ARFGAP3: variants seen among roughly 807,000 people sequenced by gnomAD.
The protein encoded by ARFGAP3 is ARF GTPase activating protein 3, also known as ADP-ribosylation factor GTPase-activating protein 3.
In ARFGAP3, 72 loss-of-function variants were observed where a neutral mutation model predicts 75.0. The observed-to-expected ratio is 0.96, with a 90% confidence interval of 0.79 to 1.17. The LOEUF is 1.17. ARFGAP3 is among the 50% of genes most tolerant of loss of function. ARFGAP3 has a pLI of 0.00. For missense variants in ARFGAP3, 620 were observed against 626.6 expected, an observed-to-expected ratio of 0.99 and a Z score of 0.11; for synonymous variants, 221 against 217.9, an observed-to-expected ratio of 1.01 and a Z score of -0.13.
At chr22:42,817,947 C>G (rs535192361) in intron 9 of ARFGAP3, 90 bp from the exon 10 acceptor site, 52 of 1,332,034 alleles carry the variant, frequency 3.9e-5, no homozygotes, top group Non-Finnish European at 5.0e-5. Flanking sequence ...GTAATTTATA[C>G]TTTTAGCTTC....
intron 3 of ARFGAP3, among the ~76,000 whole-genome samples, chr22:42,838,478 T>C (rs1926636664): frequency 6.6e-6 from 1 of 151,652 alleles, no homozygotes; most frequent in Non-Finnish European, 1.5e-5. Context: ...TTAAGTCTTT[T>C]GTACGATGAG....
chr22:42,797,586 T>C lies in ARFGAP3; in HGVS notation c.*2A>G. On this transcript the variant is annotated 3_prime_UTR_variant, in exon 16 of 16. Coordinates refer to ENST00000263245, the MANE Select transcript of ARFGAP3 (RefSeq NM_014570.5). ...CAGGAAATACACATCATGACTTCAGTATTAAGAACCGTAGCGATCCTGAAG... is the reference window on the plus strand; with the variant it reads ...CAGGAAATACACATCATGACTTCAGCATTAAGAACCGTAGCGATCCTGAAG... 4 of 1,614,176 alleles carry C rather than the reference T, an allele frequency of 2.5e-6. No individual in the cohort carries two copies. Among genetic ancestry groups the C allele is most frequent in the Non-Finnish European group, 3.4e-6 (4 of 1,180,012 alleles).
intron 14 of ARFGAP3, among the ~76,000 whole-genome samples, chr22:42,803,728 T>C (rs1284391881): frequency 6.6e-6 from 1 of 151,974 alleles, no homozygotes; most frequent in Non-Finnish European, 1.5e-5. Context: ...TCCCACTCAA[T>C]CCTTCAGCTA....
At chr22:42,808,392 C>T (rs1369330513) in intron 13 of ARFGAP3, among the ~76,000 whole-genome samples, 2 of 136,764 alleles carry the variant, frequency 1.5e-5, no homozygotes, top group African/African-American at 3.0e-5. Context: ...AAGGAGGCTC[C>T]GTCTCAAAAA....
intron 4 of ARFGAP3, 33 bp from the exon 5 acceptor site, chr22:42,834,358 T>G: frequency 6.2e-7 from 1 of 1,606,846 alleles, no homozygotes; most frequent in Non-Finnish European, 8.5e-7. Context: ...GGCTGAGCAT[T>G]TCATCCGGCC....
intron 14 of ARFGAP3, among the ~76,000 whole-genome samples, chr22:42,806,786 T>C (rs754627328): frequency 1.4e-4 from 21 of 152,186 alleles, no homozygotes; most frequent in Non-Finnish European, 2.9e-4. Context: ...AGATAGCACA[T>C]GGTATTTCAT....
intron 1 of ARFGAP3, among the ~76,000 whole-genome samples, chr22:42,848,547 G>A (rs767660904): frequency 3.3e-5 from 5 of 152,208 alleles, no homozygotes; most frequent in African/African-American, 4.8e-5. Flanking sequence ...TATACATAGT[G>A]AAGAGAATTT....
intron 15 of ARFGAP3, among the ~76,000 whole-genome samples, chr22:42,797,888 G>A (rs980120922): frequency 6.6e-6 from 1 of 152,236 alleles, no homozygotes; most frequent in South Asian, 2.1e-4. Context: ...TGGGCGGGAG[G>A]ATGCTCAGTG....
intron 9 of ARFGAP3, among the ~76,000 whole-genome samples, chr22:42,821,413 C>G (rs955550883): frequency 6.6e-6 from 1 of 152,198 alleles, no homozygotes; most frequent in African/African-American, 2.4e-5. Context: ...CCCTGGCAAC[C>G]AGTAAGTTGC....
chr22:42,845,961 C>G (rs1408484769), intron 2 of ARFGAP3, among the ~76,000 whole-genome samples: 3 of 149,542 alleles, frequency 2.0e-5, no homozygotes, highest in Non-Finnish European at 3.0e-5. Flanking sequence ...TCGCTTGAAC[C>G]CAGGAGGTGG....
intron 2 of ARFGAP3, among the ~76,000 whole-genome samples, chr22:42,845,908 C>T (rs375427010): frequency 2.2e-4 from 33 of 151,704 alleles, no homozygotes; most frequent in Non-Finnish European, 2.6e-4. Flanking sequence ...TGTGGTGGCG[C>T]GCACTTGTAA....
chr22:42,824,969 T>G (rs2047938379), intron 7 of ARFGAP3, among the ~76,000 whole-genome samples: 1 of 152,262 alleles, frequency 6.6e-6, no homozygotes, highest in Admixed American at 6.5e-5. Context: ...CATTAGTTTG[T>G]TTACGATAAT....
chr22:42,808,953 C>G, intron 12 of ARFGAP3, 63 bp from the exon 13 acceptor site: 1 of 1,380,978 alleles, frequency 7.2e-7, no homozygotes. Context: ...GTGTTTCATA[C>G]TCATTTTATT....
chr22:42,805,982 C>T (rs1569135901), intron 14 of ARFGAP3, among the ~76,000 whole-genome samples: 1 of 152,224 alleles, frequency 6.6e-6, no homozygotes, highest in Non-Finnish European at 1.5e-5. Context: ...TATAACATCC[C>T]CAAACCACAA....
intron 12 of ARFGAP3, among the ~76,000 whole-genome samples, chr22:42,809,389 AAG>A (rs1925263193): frequency 6.6e-6 from 1 of 152,228 alleles, no homozygotes; most frequent in Non-Finnish European, 1.5e-5. Context: ...CTTGGCAAGT[AAG>A]AGGAATGAAT....
At chr22:42,824,208 GTC>G (rs1383979798) in intron 7 of ARFGAP3, among the ~76,000 whole-genome samples, 22 of 119,402 alleles carry the variant, frequency 1.8e-4, no homozygotes, top group Non-Finnish European at 2.3e-4. Flanking sequence ...AGAGATGGGT[GTC>G]TTGCTATGTT....
chr22:42,814,103 C>T (rs956741329), intron 11 of ARFGAP3, among the ~76,000 whole-genome samples: 1 of 151,954 alleles, frequency 6.6e-6, no homozygotes, highest in African/African-American at 2.4e-5. Context: ...ATCTTGTACT[C>T]AATATATAAT....
intron 1 of ARFGAP3, chr22:42,853,757 C>A: frequency 6.3e-6 from 1 of 159,228 alleles, no homozygotes. Context: ...CAGTACCGAA[C>A]ACATTGCCGA....
intron 15 of ARFGAP3, among the ~76,000 whole-genome samples, chr22:42,798,518 T>A (rs1785253002): frequency 6.6e-6 from 1 of 152,020 alleles, no homozygotes; most frequent in African/African-American, 2.4e-5. Context: ...GGCTTATGTT[T>A]TCACTCAATA....
Sources: gnomAD v4.1 joint callset for allele counts (sites outside exome capture counted in the v4.1 genomes callset) on GRCh38, gnomAD v4.1.1 for gene constraint, MANE v1.5 for transcripts, NCBI Gene and HGNC (gene_info 2026-07-23, HGNC 2026-07-21) for gene names.